LRCH4: variants seen among roughly 807,000 people sequenced by gnomAD.
The protein encoded by LRCH4 is leucine-rich repeat and calponin homology domain-containing protein 4.
In LRCH4, 56 loss-of-function variants were observed where a neutral mutation model predicts 81.2. That is an observed-to-expected ratio of 0.69 (90% confidence interval 0.56 to 0.86). The LOEUF (loss-of-function observed/expected upper bound fraction) is 0.86, where lower values mean the gene tolerates loss of function less well. Ranked by LOEUF, LRCH4 falls within the 40% of genes least tolerant of loss-of-function variation. LRCH4 has a pLI of 0.00. For missense variants in LRCH4, 895 were observed against 922.8 expected (o/e 0.97, Z 0.39); for synonymous variants, 442 against 409.7 (o/e 1.08, Z -0.95).
chr7:100,577,273 C>G lies in LRCH4; in HGVS notation c.1295G>C (p.Ser432Thr). Residue 432 changes from serine to threonine, a missense_variant and splice_region_variant, in exon 11 of 18, where the codon AGC becomes ACC. Coordinates refer to ENST00000310300, the MANE Select transcript of LRCH4 (RefSeq NM_002319.5). The surrounding 1 kb of genome is among the most constrained non-coding windows in gnomAD (Gnocchi z 6.7). The part of the protein sequence containing the change: ...SGAWGAPRKD[S>T]LLKPGLRAVV... ...AGCCCCGGGCGGCCCTGGGTCCCACCTATCCTTCCTCGGGGCCCCCCACGC... is the reference window on the plus strand; with the variant it reads ...AGCCCCGGGCGGCCCTGGGTCCCACGTATCCTTCCTCGGGGCCCCCCACGC... 1 of 1,601,742 alleles carries G rather than the reference C, an allele frequency of 6.2e-7. No individual in the cohort carries two copies. Among genetic ancestry groups the G allele is most frequent in the Non-Finnish European group, 8.5e-7 (1 of 1,178,970 alleles).
Position 100,575,084 on chromosome 7 carries a change from TGAGG to T in LRCH4, c.*19_*22del. The T allele has an allele frequency of 1.3e-6, 2 of 1,584,680 alleles. No homozygotes were observed. The highest frequency in any genetic ancestry group is 1.7e-6 in the Non-Finnish European group (2 of 1,163,274). ...ATAAATAGAGAGGAAGGGAAAGGGG[TGAGG>T]GAGGGCCGATTTTGGGGCCTAGGAA... On this transcript the variant is annotated 3_prime_UTR_variant, in exon 18 of 18. Coordinates refer to ENST00000310300, the MANE Select transcript of LRCH4 (RefSeq NM_002319.5). The surrounding 1 kb of genome is among the most constrained non-coding windows in gnomAD (Gnocchi z 5.3).
intron 1 of LRCH4, 123 bp downstream of exon 1, chr7:100,585,758 A>G: frequency 1.9e-6 from 2 of 1,029,084 alleles, no homozygotes; most frequent in South Asian, 1.9e-5. Context: ...TAGGGCAATC[A>G]GGAGGGGCAG....
chr7:100,574,214 TC>T lies in LRCH4; in HGVS notation c.*892del. 1 of 175,452 alleles carries T rather than the reference TC, an allele frequency of 5.7e-6. No individual in the cohort carries two copies. Among genetic ancestry groups the T allele is most frequent in the Non-Finnish European group, 1.3e-5 (1 of 78,636 alleles). 10.9% of individuals were successfully genotyped at this position (175,452 alleles called of 1,614,324 possible). On this transcript the variant is annotated 3_prime_UTR_variant, in exon 18 of 18. Transcript: ENST00000310300. ...CCAGGCGCGTCTTCTGCTCCCGGGG[TC>T]CCGGGCGGGGTGGGCCCTGTGCCCC...
chr7:100,576,956 C>T lies in LRCH4; in HGVS notation c.1414G>A (p.Gly472Arg). The T allele has an allele frequency of 1.3e-6, 2 of 1,585,996 alleles. No individual in the cohort carries two copies. The highest frequency in any genetic ancestry group is 1.1e-5 in the South Asian group (1 of 88,394). ...GAGGCAGGGGCAGGGGCGGGGGCTCCCTGCCCCGCTGCAGCCCCTGCTTGG... is the reference window on the plus strand; with the variant it reads ...GAGGCAGGGGCAGGGGCGGGGGCTCTCTGCCCCGCTGCAGCCCCTGCTTGG... ...ASQAGAAAGQ[G>R]APAPAPASQE... The change falls in exon 13 of 18, where the codon GGA becomes AGA. Residue 472 changes from glycine (G) to arginine (R), a missense_variant. Coordinates refer to ENST00000310300, the MANE Select transcript of LRCH4 (RefSeq NM_002319.5).
chr7:100,582,400 C>T lies in LRCH4; in HGVS notation c.280G>A (p.Glu94Lys), dbSNP rs767657708. 1.9e-6 allele frequency: 3 copies of T among 1,613,836 alleles called. No homozygotes were observed. The Admixed American group carries it at 5.0e-5, about 27-fold the overall frequency. The change falls in exon 2 of 18, where the codon GAG (glutamate) becomes AAG (lysine). Residue 94 changes from glutamate (E) to lysine (K), a missense_variant. Transcript: ENST00000310300. The surrounding 1 kb of genome is among the most constrained non-coding windows in gnomAD (Gnocchi z 5.0). ...CAATTGTGGTAGAGGCTCAGGCCCT[C>T]CAGGGACACCAGCTGGCACGCCGCC... ...PEAACQLVSLEGLSLYHNCLR... is the reference protein window; with the variant it reads ...PEAACQLVSLKGLSLYHNCLR...
rs1801371965 is a variant in LRCH4 at position 100,576,704 on chromosome 7, CTG to C, written c.1540_1541del (p.Gln514GlufsTer23). On this transcript the variant is annotated frameshift_variant, in exon 14 of 18. Coordinates refer to ENST00000310300, the MANE Select transcript of LRCH4 (RefSeq NM_002319.5). LOFTEE classifies it high-confidence loss of function. The part of the protein sequence containing the change: ...PNSFLFRSSS[Q>X]SGSGPSSPDS... ...GGGCAGGACACCCACCTGAGCCACT[CTG>C]AGAGGAGGAACGGAAGAGGAAGCTG... 1 of 1,591,188 alleles carries C rather than the reference CTG, an allele frequency of 6.3e-7. No individual in the cohort carries two copies. The highest frequency in any genetic ancestry group is 1.3e-5 in the African/African-American group (1 of 74,536).
chr7:100,574,568 G>C lies in LRCH4; in HGVS notation c.*539C>G, dbSNP rs551008802. 1 of 152,636 alleles carries C rather than the reference G, an allele frequency of 6.6e-6. No homozygotes were observed. The highest frequency in any genetic ancestry group is 2.4e-5 in the African/African-American group (1 of 41,364). 9.5% of individuals were successfully genotyped at this position (152,636 alleles called of 1,614,324 possible). ...TGAGAGGCCGGCATCTCAGGAGGGA[G>C]ATGCTGGTGGGCACAGAGCCATGGC... On this transcript the variant is annotated 3_prime_UTR_variant, in exon 18 of 18. Coordinates refer to ENST00000310300, the MANE Select transcript of LRCH4 (RefSeq NM_002319.5).
At position 100,574,878 on chromosome 7, in the gene LRCH4, A is replaced by C; in HGVS notation, c.*229T>G. The stretch of plus-strand genomic sequence containing the variant: ...GCAGGGCCGGCGGGGACATGAAGGC[A>C]CCGTCAGCACTGAGAGGTGGGGACT... On this transcript the variant is annotated 3_prime_UTR_variant, in exon 18 of 18. Transcript: ENST00000310300. 2.1e-6 allele frequency: 1 copy of C among 473,732 alleles called. No homozygotes were observed. The highest frequency in any genetic ancestry group is 3.8e-6 in the Non-Finnish European group (1 of 265,776). The allele number at this position is 473,732 out of a possible 1,614,324, so 29.3% of individuals were successfully genotyped here.
chr7:100,575,414 A>AGCACGTCAG lies in LRCH4; in HGVS notation c.1855-111_1855-110insCTGACGTGC. 9.5e-7 allele frequency: 1 copy of AGCACGTCAG among 1,051,750 alleles called. No homozygotes were observed. 65.2% of individuals were successfully genotyped at this position (1,051,750 alleles called of 1,614,324 possible). ...ACGTGCTGGGGCCAGAACCACGCCC[A>AGCACGTCAG]CATGCTGACGTGCTGGGCAGGGGGA... On this transcript the variant is annotated intron_variant, in intron 17 of 17. Transcript: ENST00000310300. This position sits in a 1 kb window ranked among gnomAD's most constrained non-coding sequence, Gnocchi z 5.3.
chr7:100,578,457 GC>G lies in LRCH4; in HGVS notation c.789del (p.Gln264SerfsTer116). The G allele has an allele frequency of 6.2e-7, 1 of 1,614,100 alleles. No homozygotes were observed. Among genetic ancestry groups the G allele is most frequent in the Non-Finnish European group, 8.5e-7 (1 of 1,180,020 alleles). On this transcript the variant is annotated frameshift_variant, in exon 6 of 18. Coordinates refer to ENST00000310300, the MANE Select transcript of LRCH4 (RefSeq NM_002319.5). LOFTEE classifies it high-confidence loss of function. This position sits in a 1 kb window ranked among gnomAD's most constrained non-coding sequence, Gnocchi z 5.7. ...HIFKYLSTEA[G>X]QRGSALGDLA... ...AGGTCCCCCAGGGCCGACCCACGCT[GC>G]CCGGCCTCTGTGGACAAATACTTGA... is the stretch of plus-strand genomic sequence containing the variant.
chr7:100,576,802 C>T (rs757217316), intron 13 of LRCH4, 25 bp from the exon 14 acceptor site: 124 of 1,565,366 alleles, frequency 7.9e-5, no homozygotes, highest in Non-Finnish European at 1.0e-4. Flanking sequence ...AGGGACACAG[C>T]GACAGGGGCA....
rs544868317 is a variant in LRCH4 at position 100,584,372 on chromosome 7, C to G, written c.220+1509G>C. On this transcript the variant is annotated intron_variant, in intron 1 of 17. Transcript: ENST00000310300. Reference sequence around the variant, plus strand: ...GGAAGCTGGGATTTCCGACCCCCCCCCAAGCTCACAGGAGCACGGCTGCAC... The same window carrying G: ...GGAAGCTGGGATTTCCGACCCCCCCGCAAGCTCACAGGAGCACGGCTGCAC... Among the ~76,000 whole-genome samples, 91 of 151,942 alleles carry G rather than the reference C, an allele frequency of 6.0e-4. 1 individual carries two copies. The highest frequency in any genetic ancestry group is 4.1e-3 in the East Asian group (21 of 5,166).
chr7:100,585,807 C>T (rs1801720005), intron 1 of LRCH4, 74 bp downstream of exon 1: 4 of 1,424,130 alleles, frequency 2.8e-6, no homozygotes, highest in East Asian at 2.7e-5. Context: ...GCCCGACTCC[C>T]GGGCCGGGCG....
In LRCH4 at chr7:100,577,115, G is replaced by A. The variant is rs766667161; in HGVS notation, c.1335C>T (p.Ala445=). The A allele has an allele frequency of 1.2e-5, 19 of 1,614,110 alleles. No individual in the cohort carries two copies. The highest frequency in any genetic ancestry group is 4.5e-5 in the East Asian group (2 of 44,874). ...KPGLRAVVGG[A]AAVSTQAMHN... is the part of the protein sequence containing the mutation. Reference sequence around the variant, plus strand: ...GCATGGCTTGAGTGGACACGGCGGCGGCCCCTCCCACAACAGCCCTGAGCC... The same window carrying A: ...GCATGGCTTGAGTGGACACGGCGGCAGCCCCTCCCACAACAGCCCTGAGCC... The change falls in exon 12 of 18, where the codon GCC becomes GCT. Residue 445 remains alanine, a synonymous_variant. Coordinates refer to ENST00000310300, the MANE Select transcript of LRCH4 (RefSeq NM_002319.5). The surrounding 1 kb of genome is among the most constrained non-coding windows in gnomAD (Gnocchi z 6.7).
rs779772991 is a variant in LRCH4, at chr7:100,575,910, C to T, written c.1737G>A (p.Pro579=). The change falls in exon 16 of 18, where the codon CCG becomes CCA. Residue 579 remains proline (P), a synonymous_variant. Coordinates refer to ENST00000310300, the MANE Select transcript of LRCH4 (RefSeq NM_002319.5). The surrounding 1 kb of genome is among the most constrained non-coding windows in gnomAD (Gnocchi z 5.3). ...ILCQLANQLR[P]RSVPFIHVPS... ...GCACATGGATGAAGGGCACGGAGCG[C>T]GGCCGTAGCTGGTTGGCCAGCTGGC... The T allele has an allele frequency of 1.6e-5, 25 of 1,612,710 alleles. No individual in the cohort carries two copies. Among genetic ancestry groups the T allele is most frequent in the African/African-American group, 5.3e-5 (4 of 74,926 alleles).
Position 100,581,840 on chromosome 7 carries a change from A to G in LRCH4, c.535T>C (p.Cys179Arg). ...AGGTCCCGCAGGGAAGAGAGGCCAC[A>G]CAGTTCCGAGGGCAGGGATTGGAGC... ...NELQSLPSEL[C>R]GLSSLRDLNV... Residue 179 changes from cysteine (C) to arginine (R), a missense_variant, in exon 4 of 18, where the codon TGT (cysteine) becomes CGT (arginine). Coordinates refer to ENST00000310300, the MANE Select transcript of LRCH4 (RefSeq NM_002319.5). The G allele has an allele frequency of 6.2e-7, 1 of 1,614,128 alleles. No homozygotes were observed. The highest frequency in any genetic ancestry group is 8.5e-7 in the Non-Finnish European group (1 of 1,180,010).
intron 15 of LRCH4, 93 bp downstream of exon 15, chr7:100,576,145 C>A: frequency 6.7e-7 from 1 of 1,499,596 alleles, no homozygotes; most frequent in Non-Finnish European, 9.1e-7. Flanking sequence ...AGAGTGGGCA[C>A]AGAGGATGTG....
Position 100,574,774 on chromosome 7 carries a change from T to TGG in LRCH4, c.*331_*332dup. 1 of 268,742 alleles carries TGG rather than the reference T, an allele frequency of 3.7e-6. No individual in the cohort carries two copies. Among genetic ancestry groups the TGG allele is most frequent in the East Asian group, 7.1e-5 (1 of 14,172 alleles). The allele number at this position is 268,742 out of a possible 1,614,324, so 16.6% of individuals were successfully genotyped here. ...AATTTAGCCCCCCCATAGCAGCTGT[T>TGG]GGGGGGGGAAGGGGAGGGCACAGGA... On this transcript the variant is annotated 3_prime_UTR_variant, in exon 18 of 18. Coordinates refer to ENST00000310300, the MANE Select transcript of LRCH4 (RefSeq NM_002319.5).
rs565731302 is a variant in LRCH4 at position 100,582,232 on chromosome 7, T to C, written c.366-65A>G. 18 of 1,613,394 alleles carry C rather than the reference T, an allele frequency of 1.1e-5. No individual in the cohort carries two copies. The East Asian group carries it at 4.0e-4, about 36-fold the overall frequency. Reference sequence around the variant, plus strand: ...ATGGCATCCCAGCACTGCCATCCTCTCGGGGTCACTGGGTGGGTCACTCAG... The same window carrying C: ...ATGGCATCCCAGCACTGCCATCCTCCCGGGGTCACTGGGTGGGTCACTCAG... On this transcript the variant is annotated intron_variant, in intron 2 of 17. Transcript: ENST00000310300. The surrounding 1 kb of genome is among the most constrained non-coding windows in gnomAD (Gnocchi z 5.0).
Sources: allele counts gnomAD v4.1 joint callset (sites outside exome capture counted in the v4.1 genomes callset), GRCh38; gene constraint gnomAD v4.1.1; non-coding constraint Gnocchi (gnomAD v3.1); transcripts MANE v1.5; gene names NCBI Gene and HGNC (gene_info 2026-07-23, HGNC 2026-07-21).